USP37: variants seen among roughly 807,000 people sequenced by gnomAD.
USP37 encodes ubiquitin specific peptidase 37.
USP37 carries 27 observed loss-of-function variants against 124.0 expected under a neutral mutation model. The observed-to-expected ratio is 0.22, with a 90% confidence interval of 0.16 to 0.30. USP37 has a LOEUF of 0.30. Ranked by LOEUF, USP37 falls within the 10% of genes least tolerant of loss-of-function variation. The pLI, the probability that USP37 is intolerant of heterozygous loss-of-function variation, is 1.00. For synonymous variants in USP37, 365 were observed against 388.0 expected (o/e 0.94, Z 0.70); for missense variants, 889 against 1,140.4 (o/e 0.78, Z 3.17).
rs71064451 is a variant in USP37 at position 218,469,814 on chromosome 2, CTTTTTTTTTTTT to C, written c.2300-3650_2300-3639del. Among the ~76,000 whole-genome samples the C allele has an allele frequency of 7.7e-5, 5 of 64,646 alleles. 1 individual carries two copies. Among genetic ancestry groups the C allele is most frequent in the Non-Finnish European group, 1.4e-4 (5 of 36,186 alleles). 42.4% of individuals were successfully genotyped at this position (64,646 alleles called of 152,430 possible). A position where few individuals can be genotyped will look rare whatever the true frequency, so the allele number is the denominator to read the frequency against. ...GGATTCATGTGTTTAACTCAACATT[CTTTTTTTTTTTT>C]TTTTTTTTTTTTGAGACAGAGTCTT... On this transcript the variant is annotated intron_variant, in intron 20 of 25. Coordinates refer to ENST00000258399, the MANE Select transcript of USP37 (RefSeq NM_020935.3).
intron 23 of USP37, 113 bp from the exon 24 acceptor site, chr2:218,457,274 T>A: frequency 1.0e-6 from 1 of 998,078 alleles, no homozygotes; most frequent in Non-Finnish European, 1.5e-6. Flanking sequence ...TGTGGCATAG[T>A]AAGAATCAAT....
intron 21 of USP37, among the ~76,000 whole-genome samples, chr2:218,464,301 G>C (rs962885004): frequency 6.6e-6 from 1 of 151,614 alleles, no homozygotes; most frequent in African/African-American, 2.4e-5. Flanking sequence ...GCAGTAGCGT[G>C]ATCTTGGCCC....
chr2:218,536,887 C>G (rs1056745252), intron 8 of USP37, among the ~76,000 whole-genome samples: 1 of 152,092 alleles, frequency 6.6e-6, no homozygotes, highest in African/African-American at 2.4e-5. Flanking sequence ...TATAGTGTTA[C>G]AATTGCTAAG....
chr2:218,509,955 AG>A lies in USP37; in HGVS notation c.1025+23del, dbSNP rs769719870. On this transcript the variant is annotated intron_variant, in intron 11 of 25. Transcript: ENST00000258399. ...TATTGAATCACTTTATAAAAAAGAAAGTAAAATGAAAGAATTGACCTACCCC... is the reference window on the plus strand; with the variant it reads ...TATTGAATCACTTTATAAAAAAGAAATAAAATGAAAGAATTGACCTACCCC... 9.6e-5 allele frequency: 144 copies of A among 1,503,494 alleles called. 1 individual carries two copies. The Admixed American group carries it at 3.2e-3, about 33-fold the overall frequency. The allele number at this position is 1,503,494 out of a possible 1,614,324, so 93.1% of individuals were successfully genotyped here. A position where few individuals can be genotyped will look rare whatever the true frequency, so the allele number is the denominator to read the frequency against.
intron 5 of USP37, among the ~76,000 whole-genome samples, chr2:218,552,453 A>G (rs1440914118): frequency 1.3e-5 from 2 of 152,092 alleles, no homozygotes; most frequent in Non-Finnish European, 2.9e-5. Flanking sequence ...AGTGGCTCAC[A>G]CCTGTAATCC....
intron 9 of USP37, among the ~76,000 whole-genome samples, chr2:218,532,122 A>T (rs1691359660): frequency 1.3e-5 from 2 of 152,216 alleles, no homozygotes; most frequent in Admixed American, 6.5e-5. Context: ...CATGCTACAG[A>T]GAAACCTTTC....
intron 17 of USP37, 64 bp downstream of exon 17, chr2:218,482,006 A>C (rs957663340): frequency 1.3e-6 from 2 of 1,485,624 alleles, no homozygotes; most frequent in East Asian, 4.6e-5. Context: ...CATTCTTTTG[A>C]TTAGATACTA....
At chr2:218,487,474 G>A (rs1196436156) in intron 15 of USP37, among the ~76,000 whole-genome samples, 1 of 152,010 alleles carries the variant, frequency 6.6e-6, no homozygotes. Flanking sequence ...AGGCTGGAGT[G>A]CAGTGGCGTG....
intron 6 of USP37, among the ~76,000 whole-genome samples, chr2:218,548,305 T>C (rs1283248384): frequency 6.6e-6 from 1 of 152,114 alleles, no homozygotes; most frequent in African/African-American, 2.4e-5. Context: ...TTTCAGAATT[T>C]TGAATATTAT....
rs1689531642 is a variant in USP37, at chr2:218,453,081, A to G, written c.*1849T>C. 1.3e-5 allele frequency: 2 copies of G among 152,238 alleles called. No homozygotes were observed. Among genetic ancestry groups the G allele is most frequent in the African/African-American group, 4.8e-5 (2 of 41,460 alleles). The allele number at this position is 152,238 out of a possible 1,614,324, so 9.4% of individuals were successfully genotyped here. A position where few individuals can be genotyped will look rare whatever the true frequency, so the allele number is the denominator to read the frequency against. ...ATAGGTAGATGGTAGGAGGCAAAGC[A>G]TTTATCAGTAGTTGAGCAAAACTGC... On this transcript the variant is annotated 3_prime_UTR_variant, in exon 26 of 26. Coordinates refer to ENST00000258399, the MANE Select transcript of USP37 (RefSeq NM_020935.3).
intron 8 of USP37, among the ~76,000 whole-genome samples, chr2:218,543,216 T>C (rs573526843): frequency 6.6e-6 from 1 of 152,078 alleles, no homozygotes; most frequent in Non-Finnish European, 1.5e-5. Context: ...AAAAGAAACA[T>C]AGTGGACAGG....
chr2:218,469,313 C>A (rs1282750767), intron 20 of USP37, among the ~76,000 whole-genome samples: 2 of 152,150 alleles, frequency 1.3e-5, no homozygotes, highest in Non-Finnish European at 2.9e-5. Context: ...GTCTACATGA[C>A]CCTGCCTGTC....
intron 8 of USP37, 24 bp from the exon 9 acceptor site, chr2:218,534,730 A>G (rs756399064): frequency 6.8e-7 from 1 of 1,477,138 alleles, no homozygotes; most frequent in Non-Finnish European, 9.3e-7. Context: ...TTTTACATCA[A>G]TATAGTACAG....
intron 10 of USP37, among the ~76,000 whole-genome samples, chr2:218,517,244 T>C (rs902782111): frequency 3.9e-5 from 6 of 152,242 alleles, no homozygotes; most frequent in African/African-American, 1.4e-4. Context: ...TTATATGTTA[T>C]TGTTGTCATT....
At chr2:218,553,821 C>A (rs759772947) in intron 4 of USP37, 97 bp from the exon 5 acceptor site, 6 of 1,184,822 alleles carry the variant, frequency 5.1e-6, no homozygotes, top group African/African-American at 3.1e-5. Context: ...TTCCATGTTA[C>A]ATTTATCACT....
chr2:218,496,937 TA>T (rs1465810662), intron 13 of USP37, among the ~76,000 whole-genome samples: 1 of 149,712 alleles, frequency 6.7e-6, no homozygotes, highest in Non-Finnish European at 1.5e-5. Context: ...AGGCATGAGC[TA>T]CCGCACCCAG....
intron 23 of USP37, among the ~76,000 whole-genome samples, chr2:218,459,291 T>TC (rs1689878082): frequency 2.0e-5 from 3 of 152,184 alleles, no homozygotes; most frequent in African/African-American, 7.2e-5. Flanking sequence ...AACCTCCTCC[T>TC]CTTCCCAGGT....
At chr2:218,560,906 G>A (rs1693271326) in intron 2 of USP37, 23 bp from the exon 3 acceptor site, 1 of 152,136 alleles carries the variant, frequency 6.6e-6, no homozygotes, top group Non-Finnish European at 1.5e-5. Context: ...GAAGATATAT[G>A]AAAACACTTT....
chr2:218,485,783 GCATTAGTAT>G, intron 15 of USP37, 40 bp from the exon 16 acceptor site: 1 of 1,571,570 alleles, frequency 6.4e-7, no homozygotes, highest in Middle Eastern at 1.7e-4. Flanking sequence ...AGGTGAATCA[GCATTAGTAT>G]CTTAAATGCA....
Sources: allele counts gnomAD v4.1 joint callset (sites outside exome capture counted in the v4.1 genomes callset), GRCh38; gene constraint gnomAD v4.1.1; transcripts MANE v1.5; gene names NCBI Gene and HGNC (gene_info 2026-07-23, HGNC 2026-07-21).